The following VCL variants were observed in gnomAD, a reference collection of about 807,000 sequenced individuals.
VCL encodes the protein epididymis luminal protein 114.
In VCL, 47 loss-of-function variants were observed where a neutral mutation model predicts 125.7. The ratio of observed to expected loss-of-function variants is 0.37; its 90% CI spans 0.30 to 0.48. The LOEUF (loss-of-function observed/expected upper bound fraction) is 0.48. Ranked by LOEUF, VCL falls within the 20% of genes least tolerant of loss-of-function variation. VCL has a pLI of 0.99. For synonymous variants in VCL, 458 were observed against 514.6 expected, an observed-to-expected ratio of 0.89 and a Z score of 1.49; for missense variants, 1,069 against 1,455.5, an observed-to-expected ratio of 0.73 and a Z score of 4.32.
intron 2 of VCL, among the ~76,000 whole-genome samples, chr10:74,048,875 C>A (rs1468988756): frequency 6.6e-6 from 1 of 152,102 alleles, no homozygotes; most frequent in East Asian, 1.9e-4. Context: ...AATCCCAGCA[C>A]TTTGGGAGGC....
intron 1 of VCL, among the ~76,000 whole-genome samples, chr10:74,034,163 T>A (rs1840931649): frequency 6.6e-6 from 1 of 152,236 alleles, no homozygotes; most frequent in Non-Finnish European, 1.5e-5. Flanking sequence ...GCTGCTGAAT[T>A]TTTCTGTTTG....
rs1841666343 is a variant in VCL at position 74,071,685 on chromosome 10, T to TG, written c.499+603dup. On this transcript the variant is annotated intron_variant, in intron 4 of 21. Coordinates refer to ENST00000211998, the MANE Select transcript of VCL (RefSeq NM_014000.3). This position sits in a 1 kb window ranked among gnomAD's most constrained non-coding sequence, Gnocchi z 4.1. ...GTCTTTAAAGTATGAATGAGACCAA[T>TG]GACAAGATATGTTAGATGTTTAACC... 6.6e-6 allele frequency among the ~76,000 whole-genome samples: 1 copy of TG among 152,226 alleles called. No homozygotes were observed. The highest frequency in any genetic ancestry group is 2.4e-5 in the African/African-American group (1 of 41,468).
At chr10:74,027,127 C>A (rs532078417) in intron 1 of VCL, among the ~76,000 whole-genome samples, 1 of 152,132 alleles carries the variant, frequency 6.6e-6, no homozygotes, top group Non-Finnish European at 1.5e-5. Flanking sequence ...AAAGCACGTT[C>A]GGTTAGAGGG....
At chr10:74,066,996 G>A (rs1421740686) in intron 2 of VCL, among the ~76,000 whole-genome samples, 2 of 151,926 alleles carry the variant, frequency 1.3e-5, no homozygotes, top group African/African-American at 4.8e-5. Flanking sequence ...TTAGGTAGAT[G>A]GTGTTTGTTT....
chr10:74,005,649 G>C (rs547548806), intron 1 of VCL, among the ~76,000 whole-genome samples: 53 of 152,170 alleles, frequency 3.5e-4, no homozygotes, highest in Non-Finnish European at 6.9e-4. Flanking sequence ...GTTATCCGTC[G>C]GTATCCATGG....
Position 74,042,210 on chromosome 10 carries a change from T to C in VCL, c.169-873T>C, listed in dbSNP as rs1423253165. ...ATGCCAAGTTTTTATAACCATTGTT[T>C]TAATGGCCCACATAGTACTCAACCT... On this transcript the variant is annotated intron_variant, in intron 1 of 21. Transcript: ENST00000211998. Among the ~76,000 whole-genome samples, 3 of 152,338 alleles carry C rather than the reference T, an allele frequency of 2.0e-5. No homozygotes were observed. In the East Asian group the frequency reaches 5.8e-4, roughly 29 times the overall value.
intron 10 of VCL, among the ~76,000 whole-genome samples, chr10:74,093,135 A>G (rs1390434965): frequency 1.3e-5 from 2 of 152,158 alleles, no homozygotes; most frequent in East Asian, 3.9e-4. Context: ...CGTTTCTACT[A>G]AAAATAGAGA....
rs182238026 is a variant in VCL, at chr10:74,083,594, G to A, written c.1022+81G>A. ...TGATTCAGAAAACAAGCCTCTGCCA[G>A]TTTTGAGTTATCTCTTTGGCTAGTA... On this transcript the variant is annotated intron_variant, in intron 8 of 21. Transcript: ENST00000211998. The A allele has an allele frequency of 5.0e-5, 77 of 1,554,694 alleles. No individual in the cohort carries two copies. In the African/African-American group the frequency reaches 9.8e-4, roughly 20 times the overall value.
chr10:74,112,601 G>C (rs1331637975), intron 19 of VCL, among the ~76,000 whole-genome samples: 1 of 152,120 alleles, frequency 6.6e-6, no homozygotes, highest in Non-Finnish European at 1.5e-5. Flanking sequence ...CCCTGCACTT[G>C]GCTATGTGGC....
chr10:74,077,849 T>C (rs933305778), intron 6 of VCL: 2 of 328,016 alleles, frequency 6.1e-6, no homozygotes, highest in African/African-American at 4.4e-5. Flanking sequence ...TATACCTATA[T>C]TCAAATTGCA....
intron 2 of VCL, among the ~76,000 whole-genome samples, chr10:74,057,863 G>A (rs1055546586): frequency 5.0e-4 from 76 of 152,190 alleles, no homozygotes; most frequent in Non-Finnish European, 1.0e-4. Flanking sequence ...AGCCCAGGAG[G>A]TCAAGGCTGT....
chr10:74,087,151 C>CT (rs1288012653), intron 8 of VCL, among the ~76,000 whole-genome samples: 2 of 151,964 alleles, frequency 1.3e-5, no homozygotes, highest in African/African-American at 4.8e-5. Flanking sequence ...ATCCTAAAGA[C>CT]TATGTTTCCT....
At chr10:74,045,986 A>C (rs1841191655) in intron 2 of VCL, among the ~76,000 whole-genome samples, 1 of 152,152 alleles carries the variant, frequency 6.6e-6, no homozygotes, top group Non-Finnish European at 1.5e-5. Flanking sequence ...TTTTCATTGA[A>C]CAGATGTAAA....
intron 8 of VCL, among the ~76,000 whole-genome samples, chr10:74,086,881 G>A (rs1839787728): frequency 6.6e-6 from 1 of 152,018 alleles, no homozygotes; most frequent in Admixed American, 6.6e-5. Context: ...TTGATATTCT[G>A]TTCAGTCACA....
intron 2 of VCL, 129 bp downstream of exon 2, chr10:74,043,282 T>C: frequency 2.4e-6 from 2 of 831,844 alleles, no homozygotes; most frequent in Non-Finnish European, 3.9e-6. Flanking sequence ...TTTCAACTTT[T>C]TTGTCTTCTA....
At chr10:74,056,933 AATT>A (rs1451885470) in intron 2 of VCL, among the ~76,000 whole-genome samples, 11 of 151,842 alleles carry the variant, frequency 7.2e-5, no homozygotes, top group Non-Finnish European at 1.5e-4. Flanking sequence ...TTATTTTCTA[AATT>A]ATTATTATTT....
intron 11 of VCL, among the ~76,000 whole-genome samples, chr10:74,095,010 C>T (rs569398165): frequency 6.6e-6 from 1 of 152,182 alleles, no homozygotes; most frequent in African/African-American, 2.4e-5. Context: ...GAATTGGGCA[C>T]ATATATAATT....
chr10:74,041,041 G>T (rs1287227897), intron 1 of VCL, among the ~76,000 whole-genome samples: 4 of 152,104 alleles, frequency 2.6e-5, no homozygotes, highest in Admixed American at 6.6e-5. Flanking sequence ...TAGAGACAAG[G>T]TCTCACTATG....
intron 1 of VCL, among the ~76,000 whole-genome samples, chr10:74,009,750 C>A (rs910325597): frequency 6.6e-6 from 1 of 151,924 alleles, no homozygotes; most frequent in Admixed American, 6.6e-5. Context: ...GCTGGGACTA[C>A]AGGCATGCGT....
Sources: gnomAD v4.1 joint callset for allele counts (sites outside exome capture counted in the v4.1 genomes callset) on GRCh38, gnomAD v4.1.1 for gene constraint, Gnocchi (gnomAD v3.1) non-coding constraint, MANE v1.5 for transcripts, NCBI Gene and HGNC (gene_info 2026-07-23, HGNC 2026-07-21) for gene names.